Variants in DENND6A observed in about 807,000 individuals in gnomAD.
DENND6A encodes protein DENND6A.
A neutral mutation model predicts 95.5 loss-of-function variants in DENND6A; 43 were observed. The ratio of observed to expected loss-of-function variants is 0.45; its 90% CI spans 0.35 to 0.58. DENND6A has a LOEUF of 0.58. DENND6A is among the 20% of genes least tolerant of loss of function. DENND6A has a pLI of 0.00. For missense variants in DENND6A, 574 were observed against 736.0 expected (o/e 0.78, Z 2.55); for synonymous variants, 257 against 260.4 (o/e 0.99, Z 0.13).
intron 9 of DENND6A, among the ~76,000 whole-genome samples, chr3:57,652,997 A>G (rs2071241602): frequency 6.6e-6 from 1 of 152,244 alleles, no homozygotes; most frequent in African/African-American, 2.4e-5. Flanking sequence ...AGATGATATT[A>G]ACTTATCAAT....
rs2077283973 is a variant in DENND6A at position 57,692,879 on chromosome 3, CCATCGTCCTCTT to C, written c.128_139del (p.Glu43_Asp46del). ...CCAGCGCAGCAGGCCCCGGCCACGG[CCATCGTCCTCTT>C]CATCGTCCTCTGGCGCGCCTCCCGC... On this transcript the variant is annotated inframe_deletion, in exon 1 of 20. Coordinates refer to ENST00000311128, the MANE Select transcript of DENND6A (RefSeq NM_152678.3). 8 of 1,582,712 alleles carry C rather than the reference CCATCGTCCTCTT, an allele frequency of 5.1e-6. No individual in the cohort carries two copies. The highest frequency in any genetic ancestry group is 2.4e-5 in the East Asian group (1 of 41,894).
At chr3:57,642,751 T>A (rs1295283219) in intron 11 of DENND6A, among the ~76,000 whole-genome samples, 1 of 151,998 alleles carries the variant, frequency 6.6e-6, no homozygotes, top group Admixed American at 6.6e-5. Context: ...ACGCCTGTAA[T>A]CCCAGCCCTT....
intron 9 of DENND6A, among the ~76,000 whole-genome samples, chr3:57,649,319 T>G (rs1021112687): frequency 9.9e-5 from 15 of 152,124 alleles, no homozygotes; most frequent in African/African-American, 3.6e-4. Context: ...ACCTCACTCC[T>G]GCAAGAATAG....
intron 12 of DENND6A, among the ~76,000 whole-genome samples, chr3:57,638,615 G>A (rs13091438): frequency 0.39 from 58,562 of 151,746 alleles, 12,666 homozygotes; most frequent in South Asian, 0.56. Flanking sequence ...CCAAGATTGC[G>A]CCACTGCACT....
At chr3:57,686,393 G>C (rs1384073659) in intron 1 of DENND6A, among the ~76,000 whole-genome samples, 1 of 152,150 alleles carries the variant, frequency 6.6e-6, no homozygotes, top group Admixed American at 6.5e-5. Context: ...GTAAATGCTT[G>C]TTGCCTTCCA....
chr3:57,657,686 A>C lies in DENND6A; in HGVS notation c.812T>G (p.Ile271Ser), dbSNP rs1370412945. 1 of 1,573,172 alleles carries C rather than the reference A, an allele frequency of 6.4e-7. No homozygotes were observed. ...VILPTVHEVD[I>S]FRCFCPVFLH... ...AAAATTTTTTATTCTTTACCTGAAA[A>C]TATCCACCTCATGAACAGTAGGTAA... The change falls in exon 9 of 20, where the codon ATT becomes AGT. Residue 271 changes from isoleucine (I) to serine (S), a missense_variant. Coordinates refer to ENST00000311128, the MANE Select transcript of DENND6A (RefSeq NM_152678.3).
intron 9 of DENND6A, among the ~76,000 whole-genome samples, chr3:57,657,136 G>T (rs924850668): frequency 6.6e-6 from 1 of 152,092 alleles, no homozygotes; most frequent in South Asian, 2.1e-4. Context: ...CTGGGTAAAG[G>T]CACAAACATT....
intron 7 of DENND6A, among the ~76,000 whole-genome samples, chr3:57,659,723 G>C (rs138500203): frequency 1.9e-4 from 29 of 152,342 alleles, no homozygotes; most frequent in African/African-American, 5.8e-4. Flanking sequence ...TACAAAGTCT[G>C]AGAGCAAAAT....
At chr3:57,675,512 G>A (rs536926986) in intron 1 of DENND6A, among the ~76,000 whole-genome samples, 7 of 152,146 alleles carry the variant, frequency 4.6e-5, no homozygotes, top group Non-Finnish European at 8.8e-5. Flanking sequence ...GAAACCTCAA[G>A]GACCATCTCC....
intron 3 of DENND6A, among the ~76,000 whole-genome samples, chr3:57,668,126 C>T (rs2071555265): frequency 6.6e-6 from 1 of 151,550 alleles, no homozygotes; most frequent in South Asian, 2.1e-4. Context: ...TTTTATTTTT[C>T]TAACAATTCA....
Position 57,645,728 on chromosome 3 carries a change from C to A in DENND6A, c.970G>T (p.Asp324Tyr). Reference protein sequence around the residue: ...NCISPLKYFSDFRPYFTIHDS... With the variant: ...NCISPLKYFSYFRPYFTIHDS... The stretch of plus-strand genomic sequence containing the variant: ...TGAATAGTGAAATAAGGTCGGAAAT[C>A]ACTGAAGTACTTTAATGGAGAAATA... Residue 324 changes from aspartate to tyrosine, a missense_variant, in exon 11 of 20, where the codon GAT (aspartate) becomes TAT (tyrosine). Physicochemically the swap from Asp to Tyr is radical, Grantham distance 160. This residue lies in a region of DENND6A where 452 missense variants were observed against 630.9 expected (regional missense o/e 0.72). Transcript: ENST00000311128. 6.2e-7 allele frequency: 1 copy of A among 1,613,264 alleles called. No homozygotes were observed. The highest frequency in any genetic ancestry group is 1.1e-5 in the South Asian group (1 of 90,998).
rs972207350 is a variant in DENND6A, at chr3:57,641,655, G to A, written c.1130C>T (p.Thr377Ile). Reference protein sequence around the residue: ...HIIRIGDLKPTGEIPKQVKVK... With the variant: ...HIIRIGDLKPIGEIPKQVKVK... The stretch of plus-strand genomic sequence containing the variant: ...AGAACACCAAGTTTATACTTTACCT[G>A]TAGGTTTAAGGTCTCCTATTCGAAT... The change falls in exon 12 of 20, where the codon ACA (threonine) becomes ATA (isoleucine). Residue 377 changes from threonine (T) to isoleucine (I), a missense_variant and splice_region_variant. Coordinates refer to ENST00000311128, the MANE Select transcript of DENND6A (RefSeq NM_152678.3). 1 of 1,607,508 alleles carries A rather than the reference G, an allele frequency of 6.2e-7. No homozygotes were observed. Among genetic ancestry groups the A allele is most frequent in the African/African-American group, 1.3e-5 (1 of 74,806 alleles).
chr3:57,685,080 A>ATT (rs555883578), intron 1 of DENND6A, among the ~76,000 whole-genome samples: 11 of 142,498 alleles, frequency 7.7e-5, no homozygotes, highest in African/African-American at 2.3e-4. Context: ...TGCCTGGCTA[A>ATT]TTTTTTTTTT....
At chr3:57,669,774 C>A (rs1172662429) in intron 3 of DENND6A, among the ~76,000 whole-genome samples, 14 of 151,026 alleles carry the variant, frequency 9.3e-5, no homozygotes, top group African/African-American at 3.4e-4. Flanking sequence ...GTAATCCCAG[C>A]ACTTTGGAAG....
intron 8 of DENND6A, 95 bp downstream of exon 8, chr3:57,659,023 G>T: frequency 2.7e-6 from 3 of 1,127,586 alleles, no homozygotes; most frequent in Non-Finnish European, 3.9e-6. Context: ...TCAGAAATAT[G>T]TAATAAACTC....
chr3:57,636,936 C>CAA (rs60350642), intron 12 of DENND6A, among the ~76,000 whole-genome samples: 174 of 49,788 alleles, frequency 3.5e-3, no homozygotes, highest in Middle Eastern at 0.017. Flanking sequence ...GACTCTGTCT[C>CAA]AAAAAAAAAA....
intron 19 of DENND6A, 112 bp downstream of exon 19, chr3:57,628,699 C>G: frequency 1.8e-6 from 2 of 1,083,076 alleles, no homozygotes; most frequent in African/African-American, 3.2e-5. Flanking sequence ...AATTTCAAGC[C>G]CTCTCATTTA....
chr3:57,689,315 A>G (rs78785274), intron 1 of DENND6A, among the ~76,000 whole-genome samples: 1 of 134,486 alleles, frequency 7.4e-6, no homozygotes, highest in African/African-American at 3.0e-5. Context: ...ATTCACTCAG[A>G]AAAAAAAAAA....
At position 57,688,002 on chromosome 3, in the gene DENND6A, TG is replaced by T. The variant is rs370050303; in HGVS notation, c.237+4779del. Among the ~76,000 whole-genome samples, 601 of 142,454 alleles carry T rather than the reference TG, an allele frequency of 4.2e-3. 6 individuals carry two copies. The highest frequency in any genetic ancestry group is 0.014 in the African/African-American group (581 of 41,022). The allele number at this position is 142,454 out of a possible 152,430, so 93.5% of individuals were successfully genotyped here. ...TGAAGAGTTTTTTGTTTTTTGGGTTTGTTTTTTTTTTGAGACAAAGTCTTAC... is the reference window on the plus strand; with the variant it reads ...TGAAGAGTTTTTTGTTTTTTGGGTTTTTTTTTTTTTGAGACAAAGTCTTAC... On this transcript the variant is annotated intron_variant, in intron 1 of 19. Transcript: ENST00000311128.
Sources: allele counts gnomAD v4.1 joint callset (sites outside exome capture counted in the v4.1 genomes callset), GRCh38; gene constraint gnomAD v4.1.1; regional missense constraint gnomAD v4.1.1; transcripts MANE v1.5; gene names NCBI Gene and HGNC (gene_info 2026-07-23, HGNC 2026-07-21).